Variants in AGBL1 observed in about 807,000 individuals in gnomAD.
AGBL1 encodes cytosolic carboxypeptidase 4.
AGBL1 carries 130 observed loss-of-function variants against 118.9 expected under a neutral mutation model. The ratio of observed to expected loss-of-function variants is 1.09; its 90% CI spans 0.95 to 1.26. The LOEUF (loss-of-function observed/expected upper bound fraction) is 1.26. AGBL1 is among the 50% of genes most tolerant of loss of function. The probability of loss-of-function intolerance (pLI) is 0.00; values close to 1 mark genes in which losing one functional copy is unlikely to be tolerated. For synonymous variants in AGBL1, 555 were observed against 478.9 expected, an observed-to-expected ratio of 1.16 and a Z score of -2.08; for missense variants, 1,584 against 1,298.1, an observed-to-expected ratio of 1.22 and a Z score of -3.38.
chr15:87,030,906 T>C (rs1182948538), downstream of AGBL1, among the ~76,000 whole-genome samples: 1 of 151,928 alleles, frequency 6.6e-6, no homozygotes, highest in Non-Finnish European at 1.5e-5. Flanking sequence ...TGGTAGGATG[T>C]TGCGGCTGAG....
chr15:86,454,039 G>A (rs986521083), intron 18 of AGBL1, among the ~76,000 whole-genome samples: 1 of 152,058 alleles, frequency 6.6e-6, no homozygotes, highest in Non-Finnish European at 1.5e-5. Flanking sequence ...TCACCCATCT[G>A]TGTGACTTTT....
At chr15:86,324,281 G>T (rs1252662730) in intron 17 of AGBL1, among the ~76,000 whole-genome samples, 1 of 152,156 alleles carries the variant, frequency 6.6e-6, no homozygotes, top group African/African-American at 2.4e-5. Flanking sequence ...ATAAAGAAGG[G>T]AGCTTAAAAC....
intron 22 of AGBL1, among the ~76,000 whole-genome samples, chr15:86,843,370 A>G (rs1287212079): frequency 6.6e-6 from 1 of 152,092 alleles, no homozygotes; most frequent in Non-Finnish European, 1.5e-5. Context: ...AATAATTCAC[A>G]AATGGTGAAA....
chr15:86,886,504 C>G (rs2079973116), intron 22 of AGBL1, among the ~76,000 whole-genome samples: 2 of 152,118 alleles, frequency 1.3e-5, no homozygotes, highest in African/African-American at 4.8e-5. Context: ...TTCTGCCTTT[C>G]TTTAATTAGC....
intron 5 of AGBL1, among the ~76,000 whole-genome samples, chr15:86,216,799 T>TA (rs1236064210): frequency 1.8e-4 from 27 of 152,164 alleles, no homozygotes; most frequent in Admixed American, 1.8e-3. Flanking sequence ...ATCCTCCACT[T>TA]ACGGTGAAGC....
At chr15:86,576,234 T>G (rs2084089847) in intron 21 of AGBL1, among the ~76,000 whole-genome samples, 1 of 152,232 alleles carries the variant, frequency 6.6e-6, no homozygotes, top group Non-Finnish European at 1.5e-5. Context: ...TACATGTATA[T>G]AAAGCACTTA....
At chr15:86,904,287 A>G (rs1467798563) in intron 22 of AGBL1, among the ~76,000 whole-genome samples, 1 of 152,070 alleles carries the variant, frequency 6.6e-6, no homozygotes, top group Non-Finnish European at 1.5e-5. Flanking sequence ...TGAGGCCCTG[A>G]TACGGTCTGC....
chr15:86,298,349 A>ATGGTAGCT (rs1470006204), intron 17 of AGBL1, among the ~76,000 whole-genome samples: 1 of 101,256 alleles, frequency 9.9e-6, no homozygotes, highest in Non-Finnish European at 2.1e-5. Flanking sequence ...TATATATATG[A>ATGGTAGCT]ATATATTCTT....
In AGBL1 at chr15:86,513,496, T is replaced by C. The variant is rs376848104; in HGVS notation, c.2556-9314T>C. On this transcript the variant is annotated intron_variant, in intron 18 of 22. Coordinates refer to ENST00000614907, the MANE Select transcript of AGBL1 (RefSeq NM_001386094.1). ...AAGTGGTATCTTCCAGACTTCTCCA[T>C]CATAAAGTTACTATTATTTGCTTTG... 4.0e-4 allele frequency among the ~76,000 whole-genome samples: 61 copies of C among 152,182 alleles called. 1 individual carries two copies. Among genetic ancestry groups the C allele is most frequent in the African/African-American group, 1.3e-3 (52 of 41,576 alleles).
At chr15:86,379,066 C>A (rs898225700) in intron 17 of AGBL1, among the ~76,000 whole-genome samples, 12 of 152,036 alleles carry the variant, frequency 7.9e-5, no homozygotes, top group Admixed American at 7.2e-4. Flanking sequence ...GCACCCACAA[C>A]CATGCACAGC....
chr15:86,677,470 C>T lies in AGBL1; in HGVS notation c.3158+3034C>T, dbSNP rs536607420. 2.0e-5 allele frequency among the ~76,000 whole-genome samples: 3 copies of T among 152,258 alleles called. No homozygotes were observed. The East Asian group carries it at 5.8e-4, about 29-fold the overall frequency. On this transcript the variant is annotated intron_variant, in intron 22 of 22. Transcript: ENST00000614907. ...TGTGCACTGCAGGAATGCTAAGCTG[C>T]TTCTTCAGGAGGAGCCGTTTATCCA...
At chr15:86,816,207 T>C (rs1596509583) in intron 22 of AGBL1, among the ~76,000 whole-genome samples, 1 of 152,148 alleles carries the variant, frequency 6.6e-6, no homozygotes, top group Non-Finnish European at 1.5e-5. Context: ...AAATGTATAG[T>C]AGCAAATAGA....
chr15:86,493,718 C>A (rs150199663), intron 18 of AGBL1, among the ~76,000 whole-genome samples: 29 of 152,142 alleles, frequency 1.9e-4, no homozygotes, highest in African/African-American at 6.5e-4. Context: ...TAAAACTTCC[C>A]TTCACTTGTC....
intron 21 of AGBL1, among the ~76,000 whole-genome samples, chr15:86,669,350 GA>G (rs1305748699): frequency 9.2e-5 from 14 of 151,752 alleles, no homozygotes; most frequent in Admixed American, 2.0e-4. Flanking sequence ...ACAAAAATAT[GA>G]AAAAAATCAG....
chr15:86,290,788 C>G (rs2079532777), intron 16 of AGBL1, among the ~76,000 whole-genome samples: 1 of 151,818 alleles, frequency 6.6e-6, no homozygotes, highest in South Asian at 2.1e-4. Context: ...GTGCTGCACC[C>G]ATTAACTCGT....
chr15:86,797,169 C>G (rs767436244), intron 22 of AGBL1, among the ~76,000 whole-genome samples: 4 of 152,250 alleles, frequency 2.6e-5, no homozygotes, highest in East Asian at 1.9e-4. Context: ...GTGTCAGGCA[C>G]ATAGTAGTAT....
chr15:86,275,238 C>T (rs527584253), intron 15 of AGBL1, among the ~76,000 whole-genome samples: 1 of 152,274 alleles, frequency 6.6e-6, no homozygotes, highest in Non-Finnish European at 1.5e-5. Flanking sequence ...CTGATCTCTT[C>T]TGACATTTAT....
chr15:86,447,839 G>C (rs1032738237), intron 18 of AGBL1, among the ~76,000 whole-genome samples: 1 of 152,054 alleles, frequency 6.6e-6, no homozygotes, highest in African/African-American at 2.4e-5. Context: ...AATAATATAA[G>C]GCAACACAAA....
At chr15:86,172,705 A>G (rs956384046) in intron 5 of AGBL1, among the ~76,000 whole-genome samples, 2 of 152,220 alleles carry the variant, frequency 1.3e-5, no homozygotes, top group African/African-American at 4.8e-5. Context: ...GTGGACTAGT[A>G]TTCCATTATG....
Sources: allele counts gnomAD v4.1 joint callset (sites outside exome capture counted in the v4.1 genomes callset), GRCh38; gene constraint gnomAD v4.1.1; transcripts MANE v1.5; gene names NCBI Gene and HGNC (gene_info 2026-07-23, HGNC 2026-07-21).